SPON1: variants seen among roughly 807,000 people sequenced by gnomAD.
The protein encoded by SPON1 is spondin 1, also known as spondin-1.
Under a neutral mutation model 111.7 loss-of-function variants are expected in SPON1, and 52 were observed. The ratio of observed to expected loss-of-function variants is 0.47; its 90% CI spans 0.37 to 0.59. SPON1 has a LOEUF of 0.59. Among genes scored for constraint, SPON1 ranks in the 20% least tolerant of loss-of-function variants. SPON1 has a pLI of 0.00. For missense variants in SPON1, 957 were observed against 1,068.5 expected (o/e 0.90, Z 1.46); for synonymous variants, 410 against 395.8 (o/e 1.04, Z -0.43).
At chr11:14,076,455 T>C (rs1227237916) in intron 4 of SPON1, among the ~76,000 whole-genome samples, 2 of 152,204 alleles carry the variant, frequency 1.3e-5, no homozygotes, top group African/African-American at 4.8e-5. Context: ...CCAATAACTA[T>C]TTTAAGCACT....
At chr11:14,067,587 C>T (rs1188030160) in intron 3 of SPON1, among the ~76,000 whole-genome samples, 1 of 152,138 alleles carries the variant, frequency 6.6e-6, no homozygotes, top group Admixed American at 6.5e-5. Flanking sequence ...ACCTGGGAAG[C>T]AAAACTTCCT....
At chr11:13,991,762 G>A (rs1376804963) in intron 2 of SPON1, among the ~76,000 whole-genome samples, 2 of 152,068 alleles carry the variant, frequency 1.3e-5, no homozygotes, top group African/African-American at 4.8e-5. Flanking sequence ...TGGGGTCTTT[G>A]AGTGGACGTG....
chr11:14,110,912 C>T (rs1352930663), intron 5 of SPON1, among the ~76,000 whole-genome samples: 1 of 152,200 alleles, frequency 6.6e-6, no homozygotes, highest in Non-Finnish European at 1.5e-5. Context: ...TATTGTTTCC[C>T]TGAGGGCAGA....
chr11:14,061,611 T>C (rs1475181918), intron 3 of SPON1, among the ~76,000 whole-genome samples: 1 of 152,222 alleles, frequency 6.6e-6, no homozygotes, highest in Non-Finnish European at 1.5e-5. Context: ...CTTTAAAGTG[T>C]GCTAATGGTA....
At chr11:13,966,184 T>TCCCTCCCTCTTCCCACAGTCCC (rs1848014519) in intron 1 of SPON1, among the ~76,000 whole-genome samples, 1 of 152,172 alleles carries the variant, frequency 6.6e-6, no homozygotes, top group South Asian at 2.1e-4. Context: ...CTCTCTACTC[T>TCCCTCCCTCTTCCCACAGTCCC]CCCTCCCTCT....
chr11:13,998,927 CTATT>C (rs1848295083), intron 2 of SPON1, among the ~76,000 whole-genome samples: 1 of 152,142 alleles, frequency 6.6e-6, no homozygotes, highest in African/African-American at 2.4e-5. Flanking sequence ...TTTCATGTAT[CTATT>C]AAGTAGTTTT....
chr11:14,135,396 C>T lies in SPON1; in HGVS notation c.677-24C>T, dbSNP rs1554927957. 6.3e-7 allele frequency: 1 copy of T among 1,598,756 alleles called. No homozygotes were observed. The highest frequency in any genetic ancestry group is 1.1e-5 in the South Asian group (1 of 90,280). ...GTTTCAGCCACAGCCATGCTGATAA[C>T]TGCCTCCTGATTGGCTTTCCCAGGT... is the stretch of plus-strand genomic sequence containing the variant. On this transcript the variant is annotated intron_variant, in intron 5 of 15. Transcript: ENST00000576479. The surrounding 1 kb of genome is among the most constrained non-coding windows in gnomAD (Gnocchi z 4.4).
At chr11:14,005,252 G>A (rs1204924355) in intron 2 of SPON1, among the ~76,000 whole-genome samples, 3 of 152,086 alleles carry the variant, frequency 2.0e-5, no homozygotes, top group African/African-American at 4.8e-5. Context: ...GTGTCCTCTG[G>A]GATGGTTGGC....
chr11:14,182,264 G>C (rs993346329), intron 6 of SPON1, among the ~76,000 whole-genome samples: 1 of 152,106 alleles, frequency 6.6e-6, no homozygotes, highest in Non-Finnish European at 1.5e-5. Context: ...AATCACATTT[G>C]AATAGGCATG....
intron 6 of SPON1, among the ~76,000 whole-genome samples, chr11:14,195,917 G>A (rs571138525): frequency 1.3e-5 from 2 of 152,138 alleles, no homozygotes; most frequent in Non-Finnish European, 2.9e-5. Flanking sequence ...CTGGGTCTGA[G>A]GGTGTATACA....
intron 2 of SPON1, among the ~76,000 whole-genome samples, chr11:14,027,169 G>A (rs1554915454): frequency 6.6e-6 from 1 of 152,228 alleles, no homozygotes; most frequent in African/African-American, 2.4e-5. Flanking sequence ...GGGGTCAGGG[G>A]TGGGGAGCAT....
chr11:14,124,564 T>C (rs782365423), intron 5 of SPON1, among the ~76,000 whole-genome samples: 1 of 152,216 alleles, frequency 6.6e-6, no homozygotes, highest in Non-Finnish European at 1.5e-5. Flanking sequence ...GTCTGAGTCA[T>C]CTCAGTGTCT....
chr11:13,989,026 C>T (rs1250173377), intron 2 of SPON1, among the ~76,000 whole-genome samples: 5 of 152,040 alleles, frequency 3.3e-5, no homozygotes, highest in Non-Finnish European at 5.9e-5. Context: ...TGTTCTGTCT[C>T]TGTGAGGTTT....
At chr11:14,140,228 A>C (rs1436354536) in intron 6 of SPON1, among the ~76,000 whole-genome samples, 1 of 152,100 alleles carries the variant, frequency 6.6e-6, no homozygotes, top group African/African-American at 2.4e-5. Context: ...GTCCTTCATT[A>C]GGGCTACTTT....
chr11:14,243,273 C>T, intron 6 of SPON1, 59 bp from the exon 7 acceptor site: 1 of 1,487,330 alleles, frequency 6.7e-7, no homozygotes, highest in Non-Finnish European at 9.2e-7. Flanking sequence ...CAGGTCAAAG[C>T]CCTATTGTTC....
In SPON1 at chr11:14,161,303, ATAT is replaced by A. The variant is rs201464664; in HGVS notation, c.825+25737_825+25739del. Among the ~76,000 whole-genome samples the A allele has an allele frequency of 7.6e-3, 537 of 70,964 alleles. 10 individuals are homozygous for A. The highest frequency in any genetic ancestry group is 9.9e-3 in the Admixed American group (47 of 4,726). The allele number at this position is 70,964 out of a possible 152,430, so 46.6% of individuals were successfully genotyped here. A position where few individuals can be genotyped will look rare whatever the true frequency, so the allele number is the denominator to read the frequency against. On this transcript the variant is annotated intron_variant, in intron 6 of 15. Coordinates refer to ENST00000576479, the MANE Select transcript of SPON1 (RefSeq NM_006108.4). The stretch of plus-strand genomic sequence containing the variant: ...TATATATATTTATATATTTATATAT[ATAT>A]TTTTTTATATCTATATATTTATATA...
At chr11:13,993,603 C>T (rs782572387) in intron 2 of SPON1, among the ~76,000 whole-genome samples, 7 of 152,150 alleles carry the variant, frequency 4.6e-5, no homozygotes, top group Non-Finnish European at 1.0e-4. Flanking sequence ...CCACCCTGAG[C>T]GAGGCTCTTT....
At chr11:13,971,596 T>C (rs574588620) in intron 1 of SPON1, among the ~76,000 whole-genome samples, 27 of 152,230 alleles carry the variant, frequency 1.8e-4, no homozygotes, top group African/African-American at 6.0e-4. Context: ...AGGAATCTTA[T>C]ATTCTTCTTT....
intron 5 of SPON1, among the ~76,000 whole-genome samples, chr11:14,081,675 C>G (rs1591370422): frequency 6.6e-6 from 1 of 151,652 alleles, no homozygotes; most frequent in East Asian, 1.9e-4. Context: ...TTTGGAGTTA[C>G]CGCAGTTCAG....
Sources: gnomAD v4.1 joint callset for allele counts (sites outside exome capture counted in the v4.1 genomes callset) on GRCh38, gnomAD v4.1.1 for gene constraint, Gnocchi (gnomAD v3.1) non-coding constraint, MANE v1.5 for transcripts, NCBI Gene and HGNC (gene_info 2026-07-23, HGNC 2026-07-21) for gene names.